The following UHRF1 variants were observed in gnomAD, a reference collection of about 807,000 sequenced individuals.
UHRF1 encodes ubiquitin like with PHD and ring finger domains 1.
UHRF1 carries 9 observed loss-of-function variants against 96.5 expected under a neutral mutation model. The observed-to-expected ratio is 0.09, with a 90% CI of 0.06 to 0.16. UHRF1 has a LOEUF of 0.16. UHRF1 is among the 10% of genes least tolerant of loss of function. The probability of loss-of-function intolerance (pLI) is 1.00; values close to 1 mark genes in which losing one functional copy is unlikely to be tolerated. For synonymous variants in UHRF1, 455 were observed against 469.9 expected (o/e 0.97, Z 0.41); for missense variants, 626 against 1,131.1 (o/e 0.55, Z 6.40).
At chr19:4,933,151 C>T (rs771646612) in intron 5 of UHRF1, among the ~76,000 whole-genome samples, 195 bp downstream of exon 5, 36 of 152,356 alleles carry the variant, frequency 2.4e-4, no homozygotes, top group Non-Finnish European at 3.5e-4. Context: ...CCACCTTGTG[C>T]CCCTGAGTGC....
At chr19:4,915,417 TA>T (rs2032456843) in intron 2 of UHRF1, among the ~76,000 whole-genome samples, 1 of 152,128 alleles carries the variant, frequency 6.6e-6, no homozygotes, top group Non-Finnish European at 1.5e-5. Flanking sequence ...AAACTTGATT[TA>T]TAAAAACAGG....
chr19:4,932,440 T>C (rs1333544981), intron 4 of UHRF1, among the ~76,000 whole-genome samples: 2 of 152,246 alleles, frequency 1.3e-5, no homozygotes, highest in African/African-American at 4.8e-5. Context: ...CTCATCTTAA[T>C]ATGATTTCAT....
At chr19:4,939,363 T>G (rs949323431) in intron 5 of UHRF1, among the ~76,000 whole-genome samples, 3 of 147,030 alleles carry the variant, frequency 2.0e-5, no homozygotes, top group African/African-American at 7.7e-5. Flanking sequence ...TACCCAGTCT[T>G]AGAATATGTT....
intron 9 of UHRF1, among the ~76,000 whole-genome samples, 199 bp downstream of exon 9, chr19:4,944,649 TG>T (rs1236006093): frequency 6.6e-6 from 1 of 151,770 alleles, no homozygotes; most frequent in Non-Finnish European, 1.5e-5. Flanking sequence ...TCCTTGGGGG[TG>T]GGGGCTGCTG....
In UHRF1 at chr19:4,941,809, C is replaced by T; in HGVS notation, c.951C>T (p.Ala317=). ...TGAACAGACTCTGCCGGGTCTGCGC[C>T]TGCCACCTGTGCGGGGGCCGGCAGG... The part of the protein sequence containing the change: ...DDVNRLCRVC[A]CHLCGGRQDP... The change falls in exon 7 of 17, where the codon GCC becomes GCT. Residue 317 remains alanine, a synonymous_variant. Transcript: ENST00000650932. 2 of 1,579,144 alleles carry T rather than the reference C, an allele frequency of 1.3e-6. No individual in the cohort carries two copies.
intron 11 of UHRF1, 50 bp from the exon 12 acceptor site, chr19:4,950,560 TG>T (rs575072573): frequency 4.7e-4 from 744 of 1,567,658 alleles, no homozygotes; most frequent in Non-Finnish European, 5.8e-4. Flanking sequence ...TTTCCTTTTT[TG>T]GGGGGTACAT....
In UHRF1 at chr19:4,959,570, C is replaced by G. The variant is rs531022175; in HGVS notation, c.2236-1087C>G. On this transcript the variant is annotated intron_variant, in intron 16 of 16. Coordinates refer to ENST00000650932, the MANE Select transcript of UHRF1 (RefSeq NM_001048201.3). ...CTGCTTGGGAAGTGGAGACTCCAGG[C>G]CTCTCAGCTCTGTCTTCTCCTGGCT... Among the ~76,000 whole-genome samples the G allele has an allele frequency of 4.6e-5, 7 of 152,334 alleles. No individual in the cohort carries two copies. The South Asian group carries it at 1.4e-3, about 32-fold the overall frequency.
At chr19:4,959,573 C>T (rs1001832982) in intron 16 of UHRF1, among the ~76,000 whole-genome samples, 1 of 152,214 alleles carries the variant, frequency 6.6e-6, no homozygotes, top group African/African-American at 2.4e-5. Context: ...CTCCAGGCCT[C>T]TCAGCTCTGT....
In UHRF1 at chr19:4,927,586, TGTCTCTCTCCTCCCTTTTCCTAAG is replaced by T. The variant is rs542270317; in HGVS notation, c.154-1610_154-1587del. Among the ~76,000 whole-genome samples the T allele has an allele frequency of 2.7e-4, 41 of 152,258 alleles. No homozygotes were observed. In the South Asian group the frequency reaches 7.9e-3, roughly 29 times the overall value. Reference sequence around the variant, plus strand: ...GGAGGAAGAGCTGACATTCTATGTATGTCTCTCTCCTCCCTTTTCCTAAGGTCTCTCTCCTCCCTTTTCCTAAGG... The same window carrying T: ...GGAGGAAGAGCTGACATTCTATGTATGTCTCTCTCCTCCCTTTTCCTAAGG... On this transcript the variant is annotated intron_variant, in intron 2 of 16. Coordinates refer to ENST00000650932, the MANE Select transcript of UHRF1 (RefSeq NM_001048201.3).
chr19:4,948,397 CATAA>C (rs2145195545), intron 11 of UHRF1, among the ~76,000 whole-genome samples: 1 of 152,110 alleles, frequency 6.6e-6, no homozygotes, highest in Non-Finnish European at 1.5e-5. Flanking sequence ...AAATATATTA[CATAA>C]ATAAATCCTA....
rs937204416 is a variant in UHRF1, at chr19:4,961,857, A to G, written c.*1054A>G. The G allele has an allele frequency of 6.6e-5, 10 of 151,098 alleles. No homozygotes were observed. The highest frequency in any genetic ancestry group is 1.7e-4 in the African/African-American group (7 of 41,274). The allele number at this position is 151,098 out of a possible 1,614,324, so 9.4% of individuals were successfully genotyped here. A position where few individuals can be genotyped will look rare whatever the true frequency, so the allele number is the denominator to read the frequency against. ...TTACTGTATATGTACCAAGAAAGATATAACGTTAGGGTTTGGTTGTTTTTG... is the reference window on the plus strand; with the variant it reads ...TTACTGTATATGTACCAAGAAAGATGTAACGTTAGGGTTTGGTTGTTTTTG... On this transcript the variant is annotated 3_prime_UTR_variant, in exon 17 of 17. Coordinates refer to ENST00000650932, the MANE Select transcript of UHRF1 (RefSeq NM_001048201.3).
In UHRF1 at chr19:4,950,710, C is replaced by T; in HGVS notation, c.1617C>T (p.Val539=). 6.2e-7 allele frequency: 1 copy of T among 1,605,762 alleles called. No homozygotes were observed. Among genetic ancestry groups the T allele is most frequent in the Admixed American group, 1.7e-5 (1 of 58,562 alleles). ...SGKPVRVVRN[V]KGGKNSKYAP... ...AGCCGGTCAGGGTGGTGCGCAATGTCAAGGGTGGCAAGAATAGCAAGTACG... is the reference window on the plus strand; with the variant it reads ...AGCCGGTCAGGGTGGTGCGCAATGTTAAGGGTGGCAAGAATAGCAAGTACG... The change falls in exon 12 of 17, where the codon GTC becomes GTT. Residue 539 remains valine, a synonymous_variant. Transcript: ENST00000650932.
rs542590264 is a variant in UHRF1 at position 4,934,575 on chromosome 19, C to T, written c.785+1619C>T. ...AGGATTTGTCCTTTGCATCTGTTCA[C>T]TGACGTCACTGAGTGTGATGTCCTT... On this transcript the variant is annotated intron_variant, in intron 5 of 16. Transcript: ENST00000650932. Among the ~76,000 whole-genome samples, 4 of 152,342 alleles carry T rather than the reference C, an allele frequency of 2.6e-5. No homozygotes were observed. The East Asian group carries it at 7.7e-4, about 29-fold the overall frequency.
chr19:4,927,900 A>T (rs1212267931), intron 2 of UHRF1, among the ~76,000 whole-genome samples: 2 of 152,242 alleles, frequency 1.3e-5, no homozygotes, highest in Admixed American at 1.3e-4. Flanking sequence ...CAGGCACGGG[A>T]TAAACTCCTG....
intron 2 of UHRF1, among the ~76,000 whole-genome samples, chr19:4,924,908 C>T (rs549091948): frequency 6.6e-6 from 1 of 150,526 alleles, no homozygotes; most frequent in Non-Finnish European, 1.5e-5. Flanking sequence ...CTCACTGTAA[C>T]CTCTGCCTCC....
intron 5 of UHRF1, among the ~76,000 whole-genome samples, chr19:4,933,240 T>C (rs570031337): frequency 2.0e-5 from 3 of 152,276 alleles, no homozygotes; most frequent in Admixed American, 2.0e-4. Flanking sequence ...ATGGTGTTTT[T>C]TTTATCGCTC....
At chr19:4,916,699 C>A (rs2656925) in intron 2 of UHRF1, among the ~76,000 whole-genome samples, 1,546 of 152,362 alleles carry the variant, frequency 0.01, 22 homozygotes, top group African/African-American at 0.032. Context: ...CTCCTGCATC[C>A]GTTTTTCCTT....
upstream of UHRF1, among the ~76,000 whole-genome samples, chr19:4,906,248 G>A (rs979151879): frequency 2.0e-5 from 3 of 152,124 alleles, no homozygotes; most frequent in Non-Finnish European, 4.4e-5. Flanking sequence ...CAAAGTGCTG[G>A]GATTGCAGGT....
chr19:4,935,330 G>A (rs1378037409), intron 5 of UHRF1, among the ~76,000 whole-genome samples: 2 of 152,166 alleles, frequency 1.3e-5, no homozygotes, highest in South Asian at 2.1e-4. Context: ...TGTGTAAGAT[G>A]TGCCTGTGCT....
Sources: gnomAD v4.1 joint callset for allele counts (sites outside exome capture counted in the v4.1 genomes callset) on GRCh38, gnomAD v4.1.1 for gene constraint, MANE v1.5 for transcripts, NCBI Gene and HGNC (gene_info 2026-07-23, HGNC 2026-07-21) for gene names.